CWC27: variants seen among roughly 807,000 people sequenced by gnomAD.
CWC27 encodes spliceosome-associated protein CWC27 homolog.
Under a neutral mutation model 63.6 loss-of-function variants are expected in CWC27, and 47 were observed. That is an observed-to-expected ratio of 0.74 (90% CI 0.58 to 0.94). The LOEUF is 0.94. Among genes scored for constraint, CWC27 ranks in the 40% least tolerant of loss-of-function variants. CWC27 has a pLI of 0.00. For synonymous variants in CWC27, 175 were observed against 179.8 expected (o/e 0.97, Z 0.22); for missense variants, 495 against 554.3 (o/e 0.89, Z 1.07).
intron 10 of CWC27, among the ~76,000 whole-genome samples, chr5:64,833,170 C>A (rs1378338266): frequency 1.3e-5 from 2 of 151,726 alleles, no homozygotes; most frequent in Non-Finnish European, 3.0e-5. Flanking sequence ...CACACATACC[C>A]CCCCACACAG....
chr5:64,778,607 T>C (rs753968726), intron 2 of CWC27, among the ~76,000 whole-genome samples: 8 of 152,214 alleles, frequency 5.3e-5, no homozygotes, highest in Non-Finnish European at 8.8e-5. Flanking sequence ...TATTTAATCT[T>C]CAGATTGACA....
chr5:64,877,706 G>A (rs973002845), intron 10 of CWC27, among the ~76,000 whole-genome samples: 2 of 151,920 alleles, frequency 1.3e-5, no homozygotes, highest in Non-Finnish European at 2.9e-5. Flanking sequence ...AATAAAAATT[G>A]TAAATAAATA....
At chr5:64,896,691 A>T (rs146976220) in intron 11 of CWC27, among the ~76,000 whole-genome samples, 28 of 152,016 alleles carry the variant, frequency 1.8e-4, no homozygotes, top group African/African-American at 6.3e-4. Flanking sequence ...AAAAAAATCA[A>T]CCCAAAGGGG....
chr5:64,949,212 A>G (rs1182544469), intron 11 of CWC27, among the ~76,000 whole-genome samples: 2 of 151,948 alleles, frequency 1.3e-5, no homozygotes. Flanking sequence ...ATCTAGAGGT[A>G]TTTTTAGAGA....
chr5:64,987,604 T>C (rs1200677952), intron 13 of CWC27, among the ~76,000 whole-genome samples: 4 of 152,226 alleles, frequency 2.6e-5, no homozygotes, highest in African/African-American at 4.8e-5. Context: ...CTTCCTTGAA[T>C]GATGATTTTA....
At chr5:64,830,517 C>T (rs1745490640) in intron 10 of CWC27, among the ~76,000 whole-genome samples, 2 of 152,082 alleles carry the variant, frequency 1.3e-5, no homozygotes, top group Non-Finnish European at 2.9e-5. Context: ...CAGGCATGGG[C>T]AAGGACTTCA....
At chr5:64,878,951 G>A (rs1259413015) in intron 10 of CWC27, among the ~76,000 whole-genome samples, 3 of 151,850 alleles carry the variant, frequency 2.0e-5, no homozygotes, top group Admixed American at 2.0e-4. Context: ...CAGGGGAGTA[G>A]AACTGTAGGA....
chr5:64,915,314 T>C (rs567137371), intron 11 of CWC27, among the ~76,000 whole-genome samples: 2 of 152,330 alleles, frequency 1.3e-5, no homozygotes, highest in African/African-American at 4.8e-5. Flanking sequence ...GATAAAATTA[T>C]ATAGAAAATA....
intron 11 of CWC27, among the ~76,000 whole-genome samples, chr5:64,888,317 G>A (rs1044006313): frequency 2.1e-5 from 3 of 145,808 alleles, no homozygotes; most frequent in Non-Finnish European, 4.5e-5. Flanking sequence ...ATATAATATA[G>A]TTAATATAAT....
At chr5:65,013,505 C>T (rs1163228368) in intron 13 of CWC27, among the ~76,000 whole-genome samples, 1 of 152,126 alleles carries the variant, frequency 6.6e-6, no homozygotes, top group Admixed American at 6.5e-5. Context: ...ATCAAGTAAA[C>T]AGGCAATTAC....
chr5:64,958,781 T>C (rs901918333), intron 11 of CWC27, among the ~76,000 whole-genome samples: 1 of 152,166 alleles, frequency 6.6e-6, no homozygotes, highest in Non-Finnish European at 1.5e-5. Flanking sequence ...AGAATTATTT[T>C]AAGCCCCTCA....
intron 11 of CWC27, among the ~76,000 whole-genome samples, chr5:64,964,157 G>A (rs1748970775): frequency 6.6e-6 from 1 of 152,150 alleles, no homozygotes; most frequent in Non-Finnish European, 1.5e-5. Context: ...ACTTTTTTAA[G>A]TTCTTAATTG....
At chr5:64,969,558 T>C (rs957184967) in intron 11 of CWC27, among the ~76,000 whole-genome samples, 2 of 152,144 alleles carry the variant, frequency 1.3e-5, no homozygotes, top group South Asian at 2.1e-4. Flanking sequence ...ACATTATTAC[T>C]TCATTTATTT....
At chr5:64,850,494 T>C (rs956588670) in intron 10 of CWC27, among the ~76,000 whole-genome samples, 15 of 151,880 alleles carry the variant, frequency 9.9e-5, no homozygotes, top group Non-Finnish European at 2.1e-4. Context: ...AGGGGGAAAA[T>C]GACATATTAG....
Position 64,799,356 on chromosome 5 carries a change from G to C in CWC27, c.670-892G>C, listed in dbSNP as rs186348131. ...TAATCCCAGCACTTTGGGAGGCTGA[G>C]GCGGGCAGATCATGAGGTCAGGAGA... is the stretch of plus-strand genomic sequence containing the variant. On this transcript the variant is annotated intron_variant, in intron 7 of 13. Coordinates refer to ENST00000381070, the MANE Select transcript of CWC27 (RefSeq NM_005869.4). Among the ~76,000 whole-genome samples, 779 of 152,190 alleles carry C rather than the reference G, an allele frequency of 5.1e-3. 7 individuals carry two copies. The highest frequency in any genetic ancestry group is 0.017 in the African/African-American group (705 of 41,518).
At chr5:64,880,223 A>G (rs1385321111) in intron 10 of CWC27, among the ~76,000 whole-genome samples, 4 of 151,868 alleles carry the variant, frequency 2.6e-5, no homozygotes, top group Non-Finnish European at 5.9e-5. Context: ...TTTATTATTG[A>G]TGTACATGGC....
chr5:64,822,689 T>C (rs917195886), intron 10 of CWC27, among the ~76,000 whole-genome samples: 5 of 152,214 alleles, frequency 3.3e-5, no homozygotes, highest in Non-Finnish European at 5.9e-5. Context: ...TTGTGTGTTA[T>C]TTCAAGTGTA....
intron 10 of CWC27, among the ~76,000 whole-genome samples, chr5:64,847,797 T>C (rs1161762089): frequency 6.6e-6 from 1 of 151,898 alleles, no homozygotes; most frequent in African/African-American, 2.4e-5. Context: ...ATGAAGAAAT[T>C]AAATGGGAAA....
intron 11 of CWC27, among the ~76,000 whole-genome samples, chr5:64,909,626 G>A (rs1747741862): frequency 6.6e-6 from 1 of 152,102 alleles, no homozygotes; most frequent in African/African-American, 2.4e-5. Context: ...TGGAGGCTTT[G>A]TTCGTTTCTT....
Sources: allele counts gnomAD v4.1 joint callset (sites outside exome capture counted in the v4.1 genomes callset), GRCh38; gene constraint gnomAD v4.1.1; transcripts MANE v1.5; gene names NCBI Gene and HGNC (gene_info 2026-07-23, HGNC 2026-07-21).